IRX2: variants seen among roughly 807,000 people sequenced by gnomAD.
The protein encoded by IRX2 is iroquois-class homeodomain protein IRX-2.
A neutral mutation model predicts 42.9 loss-of-function variants in IRX2; 26 were observed. That is an observed-to-expected ratio of 0.61 (90% CI 0.44 to 0.84). IRX2 has a LOEUF of 0.84. Among genes scored for constraint, IRX2 ranks in the 40% least tolerant of loss-of-function variants. The pLI, the probability that IRX2 is intolerant of heterozygous loss-of-function variation, is 0.00. For synonymous variants in IRX2, 424 were observed against 353.9 expected (o/e 1.20, Z -2.22); for missense variants, 782 against 713.9 (o/e 1.10, Z -1.09).
At position 2,747,002 on chromosome 5, in the gene IRX2, G is replaced by C. The variant is rs529041170; in HGVS notation, c.*562C>G. The stretch of plus-strand genomic sequence containing the variant: ...TCCTGTCCACTTGGACATGGGTGGA[G>C]GGGAGGTTGGACAGGGCTGATAAAA... On this transcript the variant is annotated 3_prime_UTR_variant, in exon 4 of 4. Coordinates refer to ENST00000302057, the MANE Select transcript of IRX2 (RefSeq NM_033267.5). 6.6e-6 allele frequency: 1 copy of C among 152,192 alleles called. No individual in the cohort carries two copies. The highest frequency in any genetic ancestry group is 6.6e-5 in the Admixed American group (1 of 15,262). The allele number at this position is 152,192 out of a possible 1,614,324, so 9.4% of individuals were successfully genotyped here.
downstream of IRX2, among the ~76,000 whole-genome samples, chr5:2,742,176 G>A (rs953478913): frequency 4.6e-5 from 7 of 152,208 alleles, no homozygotes; most frequent in Non-Finnish European, 1.0e-4. Flanking sequence ...CAAGTGGGGT[G>A]TCTGCTTCCT....
the IRX2 span, among the ~76,000 whole-genome samples, chr5:2,740,280 G>A: frequency 3.9e-5 from 6 of 152,094 alleles, no homozygotes; most frequent in Non-Finnish European, 8.8e-5. Flanking sequence ...CTCGGCCCAG[G>A]GCTCCCAGCC....
At chr5:2,740,480 G>A in the IRX2 span, among the ~76,000 whole-genome samples, 1 of 152,216 alleles carries the variant, frequency 6.6e-6, no homozygotes, top group African/African-American at 2.4e-5. Context: ...CGCTTGGGGA[G>A]ACTGCAGGGC....
downstream of IRX2, among the ~76,000 whole-genome samples, chr5:2,743,504 G>A (rs1316586403): frequency 7.2e-6 from 1 of 139,544 alleles, no homozygotes; most frequent in African/African-American, 2.7e-5. Context: ...CAGAAGGGCT[G>A]TCGCGGATCC....
the IRX2 span, among the ~76,000 whole-genome samples, chr5:2,739,335 G>A: frequency 2.0e-5 from 3 of 152,212 alleles, no homozygotes; most frequent in Non-Finnish European, 4.4e-5. Context: ...CGGCGGTGCC[G>A]GGGGTACGGC....
the IRX2 span, among the ~76,000 whole-genome samples, chr5:2,740,191 G>GTT: frequency 6.7e-6 from 1 of 149,474 alleles, no homozygotes; most frequent in Non-Finnish European, 1.5e-5. Flanking sequence ...GCGGGGGCGG[G>GTT]GGTCCTGCCC....
downstream of IRX2, among the ~76,000 whole-genome samples, chr5:2,741,084 C>A (rs1022322219): frequency 6.6e-6 from 1 of 152,262 alleles, no homozygotes; most frequent in Non-Finnish European, 1.5e-5. Flanking sequence ...GAACACGCAG[C>A]GCCCTTCCCG....
the IRX2 span, among the ~76,000 whole-genome samples, chr5:2,738,748 T>A: frequency 6.6e-6 from 1 of 151,584 alleles, no homozygotes; most frequent in Non-Finnish European, 1.5e-5. Context: ...CTCCTGTGCC[T>A]CCGGGACCGT....
At position 2,749,691 on chromosome 5, in the gene IRX2, C is replaced by A. The variant is rs1322976405; in HGVS notation, c.346G>T (p.Ala116Ser). ...TCCCGCGTGGCGTTCTTGCGGTACG[C>A]GGGGTCGTTGAGCTGGTACGGGTAG... ...AAYPYQLNDPAYRKNATRDAT... is the reference protein window; with the variant it reads ...AAYPYQLNDPSYRKNATRDAT... The change falls in exon 2 of 4, where the codon GCG (alanine) becomes TCG (serine). Residue 116 changes from alanine (A) to serine (S), a missense_variant. Physicochemically the swap from Ala to Ser is moderately conservative, Grantham distance 99 (BLOSUM62 1). Coordinates refer to ENST00000302057, the MANE Select transcript of IRX2 (RefSeq NM_033267.5). 4 of 1,614,120 alleles carry A rather than the reference C, an allele frequency of 2.5e-6. No homozygotes were observed. The South Asian group carries it at 4.4e-5, about 18-fold the overall frequency.
the IRX2 span, among the ~76,000 whole-genome samples, chr5:2,735,707 T>C: frequency 6.6e-6 from 1 of 152,196 alleles, no homozygotes; most frequent in Non-Finnish European, 1.5e-5. Flanking sequence ...ATTTTCTATA[T>C]GATGTAAGCA....
downstream of IRX2, among the ~76,000 whole-genome samples, chr5:2,742,838 GCTGTAACAGTGGTA>G: frequency 2.6e-5 from 4 of 152,064 alleles, no homozygotes; most frequent in Admixed American, 2.6e-4. Context: ...GTTTAATTAG[GCTGTAACAGTGGTA>G]GTTTAGTATG....
At chr5:2,748,156 G>C (rs531342878) in intron 3 of IRX2, among the ~76,000 whole-genome samples, 189 bp downstream of exon 3, 1 of 152,190 alleles carries the variant, frequency 6.6e-6, no homozygotes, top group African/African-American at 2.4e-5. Flanking sequence ...AACAGGGCAA[G>C]TCTAAAAAGA....
chr5:2,743,960 A>G (rs374297940), downstream of IRX2, among the ~76,000 whole-genome samples: 12 of 152,304 alleles, frequency 7.9e-5, no homozygotes, highest in South Asian at 1.2e-3. Context: ...GAAATCTTTA[A>G]TAATTTGTTG....
At chr5:2,744,643 G>A (rs1488825465), downstream of IRX2, among the ~76,000 whole-genome samples, 1 of 152,170 alleles carries the variant, frequency 6.6e-6, no homozygotes, top group Non-Finnish European at 1.5e-5. Context: ...GAGTGGCAAA[G>A]CTTACCATGT....
chr5:2,748,964 G>A lies in IRX2; in HGVS notation c.744C>T (p.Pro248=). The A allele has an allele frequency of 6.3e-7, 1 of 1,597,336 alleles. No individual in the cohort carries two copies. Among genetic ancestry groups the A allele is most frequent in the Admixed American group, 1.7e-5 (1 of 59,966 alleles). Residue 248 remains proline (P), a synonymous_variant, in exon 3 of 4, where the codon CCC becomes CCT. Transcript: ENST00000302057. ...GEKLPCRAGD[P]LCESGSECKD... is the part of the protein sequence containing the mutation. ...TGCACTCCGAGCCCGATTCGCACAG[G>A]GGGTCCCCGGCGCGGCACGGAAGCT...
In IRX2 at chr5:2,749,418, C is replaced by T. The variant is rs1737840371; in HGVS notation, c.619G>A (p.Ala207Thr). 6.2e-7 allele frequency: 1 copy of T among 1,614,054 alleles called. No homozygotes were observed. The highest frequency in any genetic ancestry group is 8.5e-7 in the Non-Finnish European group (1 of 1,180,000). Residue 207 changes from alanine (A) to threonine (T), a missense_variant, in exon 2 of 4, where the codon GCG becomes ACG. Transcript: ENST00000302057. ...GCCGAGGTCTCCGTGCCCTCCTGCG[C>T]CTTGTCGGGACTCTCGTCCTTGCTT... is the stretch of plus-strand genomic sequence containing the variant. ...TRSKDESPDK[A>T]QEGTETSAED...
intron 3 of IRX2, among the ~76,000 whole-genome samples, chr5:2,748,131 G>A (rs777742535): frequency 2.3e-4 from 35 of 152,174 alleles, no homozygotes; most frequent in Non-Finnish European, 4.0e-4. Flanking sequence ...AGTAAATTAA[G>A]TAAAAATAAA....
chr5:2,748,825 G>C lies in IRX2; in HGVS notation c.883C>G (p.Leu295Val). ...GCGGCCTCGGGCGGGGGGCTCAGCA[G>C]CGGCGCCTCCAAGCCGGTAAGCGGC... Reference protein sequence around the residue: ...SSPLTGLEAPLLSPPPEAAPR... With the variant: ...SSPLTGLEAPVLSPPPEAAPR... Residue 295 changes from leucine (L) to valine (V), a missense_variant, in exon 3 of 4, where the codon CTG (leucine) becomes GTG (valine). This residue lies in a region of IRX2 where 520 missense variants were observed against 437.8 expected (regional missense o/e 1.19). Coordinates refer to ENST00000302057, the MANE Select transcript of IRX2 (RefSeq NM_033267.5). 1 of 1,531,366 alleles carries C rather than the reference G, an allele frequency of 6.5e-7. No individual in the cohort carries two copies. The highest frequency in any genetic ancestry group is 8.7e-7 in the Non-Finnish European group (1 of 1,149,078). 94.9% of individuals were successfully genotyped at this position (1,531,366 alleles called of 1,614,324 possible). A position where few individuals can be genotyped will look rare whatever the true frequency, so the allele number is the denominator to read the frequency against.
At position 2,746,355 on chromosome 5, in the gene IRX2, AAAAT is replaced by A. The variant is rs1237680352; in HGVS notation, c.*1205_*1208del. The A allele has an allele frequency of 2.0e-5, 3 of 152,232 alleles. No individual in the cohort carries two copies. Among genetic ancestry groups the A allele is most frequent in the Admixed American group, 2.0e-4 (3 of 15,288 alleles). The allele number at this position is 152,232 out of a possible 1,614,324, so 9.4% of individuals were successfully genotyped here. A position where few individuals can be genotyped will look rare whatever the true frequency, so the allele number is the denominator to read the frequency against. ...TTACTAGAAGCTTTATATCATTATA[AAAAT>A]AAATATCAAATTTGTTTCCACTTCT... is the stretch of plus-strand genomic sequence containing the variant. On this transcript the variant is annotated 3_prime_UTR_variant, in exon 4 of 4. Coordinates refer to ENST00000302057, the MANE Select transcript of IRX2 (RefSeq NM_033267.5).
Sources: allele counts gnomAD v4.1 joint callset (sites outside exome capture counted in the v4.1 genomes callset), GRCh38; gene constraint gnomAD v4.1.1; regional missense constraint gnomAD v4.1.1; transcripts MANE v1.5; gene names NCBI Gene and HGNC (gene_info 2026-07-23, HGNC 2026-07-21).